Variants in AFF3 observed in about 807,000 individuals in gnomAD.
The protein encoded by AFF3 is AF4/FMR2 family member 3.
AFF3 carries 32 observed loss-of-function variants against 129.7 expected under a neutral mutation model. That is an observed-to-expected ratio of 0.25 (90% CI 0.19 to 0.33). The LOEUF (loss-of-function observed/expected upper bound fraction) is 0.33. Ranked by LOEUF, AFF3 falls within the 10% of genes least tolerant of loss-of-function variation. The pLI is 1.00. For missense variants in AFF3, 1,373 were observed against 1,592.0 expected (o/e 0.86, Z 2.34); for synonymous variants, 644 against 635.4 (o/e 1.01, Z -0.20).
chr2:99,747,270 T>G (rs1207032802), intron 9 of AFF3, among the ~76,000 whole-genome samples: 1 of 152,142 alleles, frequency 6.6e-6, no homozygotes, highest in African/African-American at 2.4e-5. Context: ...CCTCAAGTGA[T>G]CCACCTGCCT....
intron 9 of AFF3, among the ~76,000 whole-genome samples, chr2:99,744,844 T>C (rs932609977): frequency 6.6e-6 from 1 of 152,200 alleles, no homozygotes; most frequent in Non-Finnish European, 1.5e-5. Context: ...CTGCCACGAA[T>C]ATGCAGGTAT....
chr2:99,941,415 T>A (rs1441627256), intron 7 of AFF3, among the ~76,000 whole-genome samples: 1 of 152,286 alleles, frequency 6.6e-6, no homozygotes, highest in East Asian at 1.9e-4. Flanking sequence ...TAGAGCAGCC[T>A]AGCACACCAT....
At chr2:100,130,519 C>T (rs1692384991) in intron 1 of AFF3, among the ~76,000 whole-genome samples, 1 of 152,242 alleles carries the variant, frequency 6.6e-6, no homozygotes, top group African/African-American at 2.4e-5. Flanking sequence ...ATTTTAGTCT[C>T]CATCCACGGG....
intron 8 of AFF3, among the ~76,000 whole-genome samples, chr2:99,810,287 C>A (rs938373504): frequency 6.6e-6 from 1 of 152,224 alleles, no homozygotes; most frequent in Non-Finnish European, 1.5e-5. Context: ...AGCATCCTCC[C>A]GGTTGCTATG....
chr2:99,747,082 G>A (rs1450053592), intron 9 of AFF3, among the ~76,000 whole-genome samples: 3 of 152,152 alleles, frequency 2.0e-5, no homozygotes, highest in Non-Finnish European at 2.9e-5. Flanking sequence ...AGTCTGGAGT[G>A]CAACGGCACG....
chr2:99,875,353 A>G (rs1692204991), intron 7 of AFF3, among the ~76,000 whole-genome samples: 2 of 152,170 alleles, frequency 1.3e-5, no homozygotes, highest in Non-Finnish European at 2.9e-5. Context: ...TGATCCTCCT[A>G]TTTAAAGGAG....
chr2:99,856,532 C>T (rs1215622350), intron 7 of AFF3, among the ~76,000 whole-genome samples: 1 of 152,152 alleles, frequency 6.6e-6, no homozygotes, highest in Non-Finnish European at 1.5e-5. Context: ...AAAAAGAGTA[C>T]AGATAACATT....
At chr2:100,043,181 T>C (rs909287506) in intron 4 of AFF3, among the ~76,000 whole-genome samples, 4 of 152,294 alleles carry the variant, frequency 2.6e-5, no homozygotes, top group South Asian at 4.2e-4. Flanking sequence ...CTAGACTATG[T>C]GATAGATGCA....
chr2:99,577,653 T>C (rs1677128228), intron 18 of AFF3, among the ~76,000 whole-genome samples: 1 of 152,250 alleles, frequency 6.6e-6, no homozygotes, highest in Non-Finnish European at 1.5e-5. Flanking sequence ...AGGCTTGTCC[T>C]TGACACATAC....
intron 7 of AFF3, among the ~76,000 whole-genome samples, chr2:99,936,724 AAGTGCAAACAC>A (rs1401627992): frequency 3.3e-5 from 5 of 152,218 alleles, no homozygotes; most frequent in African/African-American, 1.2e-4. Context: ...TGGACTTCCG[AAGTGCAAACAC>A]GCTTGCTAAA....
At chr2:99,708,097 A>T (rs1024515134) in intron 11 of AFF3, among the ~76,000 whole-genome samples, 6 of 152,228 alleles carry the variant, frequency 3.9e-5, no homozygotes, top group African/African-American at 1.2e-4. Flanking sequence ...ATTGCATGAG[A>T]CACATTTACA....
At chr2:99,986,188 G>A (rs192317630) in intron 7 of AFF3, among the ~76,000 whole-genome samples, 5 of 145,356 alleles carry the variant, frequency 3.4e-5, no homozygotes, top group South Asian at 2.3e-4. Context: ...GCGACAGAGC[G>A]AGACTTCATC....
intron 11 of AFF3, among the ~76,000 whole-genome samples, chr2:99,688,055 G>A (rs1179643171): frequency 6.6e-6 from 1 of 152,128 alleles, no homozygotes; most frequent in Non-Finnish European, 1.5e-5. Flanking sequence ...TGTTAGCCAG[G>A]ATGGTCTTGA....
chr2:100,035,570 A>G (rs1371658308), intron 4 of AFF3, among the ~76,000 whole-genome samples: 1 of 152,220 alleles, frequency 6.6e-6, no homozygotes, highest in Admixed American at 6.5e-5. Context: ...TAGCAGAAAG[A>G]GCATTACTTG....
At chr2:99,969,971 T>C (rs1678192168) in intron 7 of AFF3, among the ~76,000 whole-genome samples, 1 of 152,200 alleles carries the variant, frequency 6.6e-6, no homozygotes. Context: ...CTTGCAGGCA[T>C]TCTCTGTCTC....
intron 7 of AFF3, among the ~76,000 whole-genome samples, chr2:99,895,711 TACTGA>T (rs1348019385): frequency 6.6e-6 from 1 of 151,692 alleles, no homozygotes; most frequent in Admixed American, 6.6e-5. Flanking sequence ...TGATTTAAAG[TACTGA>T]ACTGAAGAAG....
At chr2:99,999,615 A>C (rs767551259) in intron 7 of AFF3, among the ~76,000 whole-genome samples, 20 of 152,220 alleles carry the variant, frequency 1.3e-4, no homozygotes, top group Non-Finnish European at 1.6e-4. Context: ...GTAAATGCAA[A>C]GCAAATAGGG....
intron 24 of AFF3, 92 bp from the exon 25 acceptor site, chr2:99,551,687 T>C (rs941171621): frequency 6.8e-7 from 1 of 1,479,464 alleles, no homozygotes; most frequent in African/African-American, 1.4e-5. Context: ...ATTCATGGTC[T>C]CTATATAAAT....
Position 99,863,488 on chromosome 2 carries a change from G to A in AFF3, c.874-25964C>T, listed in dbSNP as rs145926165. On this transcript the variant is annotated intron_variant, in intron 7 of 24. Transcript: ENST00000672756. The stretch of plus-strand genomic sequence containing the variant: ...CCTAACTCTTCAGCCACTATATAAA[G>A]TATCTTAAATAACTATGACTTAGAG... 5.0e-4 allele frequency among the ~76,000 whole-genome samples: 76 copies of A among 152,088 alleles called. No individual in the cohort carries two copies. In the East Asian group the frequency reaches 0.013, roughly 26 times the overall value.
Sources: gnomAD v4.1 joint callset for allele counts (sites outside exome capture counted in the v4.1 genomes callset) on GRCh38, gnomAD v4.1.1 for gene constraint, MANE v1.5 for transcripts, NCBI Gene and HGNC (gene_info 2026-07-23, HGNC 2026-07-21) for gene names.